Variants in PRDM5 observed in about 807,000 individuals in gnomAD.
PRDM5 encodes the protein PR/SET domain 5, also known as PR domain zinc finger protein 5.
PRDM5 carries 56 observed loss-of-function variants against 81.2 expected under a neutral mutation model. That is an observed-to-expected ratio of 0.69 (90% CI 0.56 to 0.86). PRDM5 has a LOEUF of 0.86. Ranked by LOEUF, PRDM5 falls within the 40% of genes least tolerant of loss-of-function variation. PRDM5 has a pLI of 0.00. For synonymous variants in PRDM5, 267 were observed against 256.4 expected, an observed-to-expected ratio of 1.04 and a Z score of -0.39; for missense variants, 697 against 770.1, an observed-to-expected ratio of 0.91 and a Z score of 1.12.
At chr4:120,797,187 T>C (rs1561272306) in intron 10 of PRDM5, among the ~76,000 whole-genome samples, 1 of 152,102 alleles carries the variant, frequency 6.6e-6, no homozygotes, top group African/African-American at 2.4e-5. Flanking sequence ...GGCAGGCAAA[T>C]ATTTAGTTGT....
chr4:120,746,288 T>C (rs971741409), intron 14 of PRDM5, among the ~76,000 whole-genome samples: 3 of 146,696 alleles, frequency 2.0e-5, no homozygotes, highest in African/African-American at 7.6e-5. Flanking sequence ...TAATTCCAGA[T>C]GGATTAAAGA....
intron 7 of PRDM5, chr4:120,812,834 A>C (rs942922107): frequency 5.5e-5 from 16 of 292,940 alleles, no homozygotes; most frequent in African/African-American, 3.5e-4. Context: ...ATTAAAAGAG[A>C]AAGTGATATA....
At chr4:120,752,958 GAAGT>G (rs1282398474) in intron 14 of PRDM5, among the ~76,000 whole-genome samples, 1 of 152,046 alleles carries the variant, frequency 6.6e-6, no homozygotes, top group Admixed American at 6.6e-5. Context: ...ATATTAAAAT[GAAGT>G]AAAAAACAAA....
At chr4:120,904,843 C>T (rs951090351) in intron 2 of PRDM5, among the ~76,000 whole-genome samples, 1 of 152,000 alleles carries the variant, frequency 6.6e-6, no homozygotes, top group African/African-American at 2.4e-5. Flanking sequence ...GATAACAAAA[C>T]AAGTAACATA....
chr4:120,723,235 G>T (rs1738884234), intron 14 of PRDM5, among the ~76,000 whole-genome samples: 1 of 152,114 alleles, frequency 6.6e-6, no homozygotes, highest in Non-Finnish European at 1.5e-5. Context: ...CTAAAAATGG[G>T]AATGAGTTCT....
At chr4:120,688,455 T>G (rs964693490), downstream of PRDM5, among the ~76,000 whole-genome samples, 1 of 152,180 alleles carries the variant, frequency 6.6e-6, no homozygotes, top group Admixed American at 6.6e-5. Context: ...TTATTTCATT[T>G]GTTGTGCAGA....
chr4:120,885,903 T>C (rs1356179603), intron 2 of PRDM5: 1 of 152,156 alleles, frequency 6.6e-6, no homozygotes, highest in Admixed American at 6.5e-5. Flanking sequence ...TTTCTTTTAG[T>C]CAAACAATTT....
chr4:120,836,486 G>A (rs553827742), intron 3 of PRDM5, among the ~76,000 whole-genome samples: 157 of 152,210 alleles, frequency 1.0e-3, no homozygotes, highest in African/African-American at 3.6e-3. Context: ...CACTGAGAGT[G>A]CCCTCAATTC....
chr4:120,785,011 C>T lies in PRDM5; in HGVS notation c.1269G>A (p.Leu423=). The T allele has an allele frequency of 1.3e-6, 2 of 1,598,754 alleles. No homozygotes were observed. Among genetic ancestry groups the T allele is most frequent in the Non-Finnish European group, 1.7e-6 (2 of 1,166,118 alleles). ...FRTPFSLQRH[L]LIHNSERTFK... ...ATCGTGACTTACTGTTATGTATTAG[C>T]AGGTGTCTCTGTAAAGAAAATGGGG... is the stretch of plus-strand genomic sequence containing the variant. The change falls in exon 11 of 16, where the codon CTG becomes CTA. Residue 423 remains leucine (L), a synonymous_variant. Transcript: ENST00000264808.
At chr4:120,794,477 G>T (rs576332142) in intron 10 of PRDM5, among the ~76,000 whole-genome samples, 2 of 149,890 alleles carry the variant, frequency 1.3e-5, no homozygotes, top group East Asian at 3.9e-4. Context: ...TAAATTGTTT[G>T]GCTATGACCA....
chr4:120,843,485 T>C (rs779821391), intron 3 of PRDM5, among the ~76,000 whole-genome samples: 20 of 151,708 alleles, frequency 1.3e-4, no homozygotes, highest in Non-Finnish European at 2.4e-4. Context: ...GGAGGATCAC[T>C]TAAGTACAAG....
intron 10 of PRDM5, among the ~76,000 whole-genome samples, chr4:120,790,706 T>C (rs1750440005): frequency 1.3e-5 from 2 of 152,180 alleles, no homozygotes; most frequent in African/African-American, 4.8e-5. Context: ...CATAAATCTG[T>C]AGAATTTTTA....
chr4:120,721,892 G>C (rs986016595), intron 14 of PRDM5, among the ~76,000 whole-genome samples: 1 of 152,192 alleles, frequency 6.6e-6, no homozygotes, highest in Non-Finnish European at 1.5e-5. Context: ...AGGTATAATT[G>C]CCCTGTTGAC....
intron 15 of PRDM5, among the ~76,000 whole-genome samples, chr4:120,695,649 A>G (rs751748155): frequency 2.0e-5 from 3 of 152,176 alleles, no homozygotes; most frequent in Admixed American, 6.6e-5. Flanking sequence ...TGTTTTAAGT[A>G]TCATAAGCAG....
chr4:120,796,431 T>C (rs1181350108), intron 10 of PRDM5, among the ~76,000 whole-genome samples: 1 of 152,196 alleles, frequency 6.6e-6, no homozygotes, highest in Admixed American at 6.6e-5. Flanking sequence ...GTATGAGAGA[T>C]GGTGCAAAGA....
intron 14 of PRDM5, among the ~76,000 whole-genome samples, chr4:120,724,604 G>A (rs2149067545): frequency 6.6e-6 from 1 of 152,290 alleles, no homozygotes; most frequent in Non-Finnish European, 1.5e-5. Context: ...TGACATATGT[G>A]ATGGTGGCAA....
intron 3 of PRDM5, among the ~76,000 whole-genome samples, chr4:120,841,268 A>G (rs1371960791): frequency 6.6e-6 from 1 of 152,252 alleles, no homozygotes; most frequent in Non-Finnish European, 1.5e-5. Context: ...TATATAAAGT[A>G]CAAGGTAATT....
intron 14 of PRDM5, among the ~76,000 whole-genome samples, chr4:120,742,422 G>A (rs2149112186): frequency 6.6e-6 from 1 of 152,310 alleles, no homozygotes; most frequent in Admixed American, 6.5e-5. Flanking sequence ...GAACAAAGCT[G>A]GACGGAGAAT....
intron 3 of PRDM5, among the ~76,000 whole-genome samples, chr4:120,846,117 T>A (rs905739385): frequency 6.6e-6 from 1 of 152,212 alleles, no homozygotes; most frequent in Non-Finnish European, 1.5e-5. Flanking sequence ...TTTCCTTCGA[T>A]AGAATCTACT....
Sources: gnomAD v4.1 joint callset for allele counts (sites outside exome capture counted in the v4.1 genomes callset) on GRCh38, gnomAD v4.1.1 for gene constraint, MANE v1.5 for transcripts, NCBI Gene and HGNC (gene_info 2026-07-23, HGNC 2026-07-21) for gene names.